ROR1: variants seen among roughly 807,000 people sequenced by gnomAD.
ROR1 encodes the protein ROR family WNT receptor 1.
ROR1 carries 19 observed loss-of-function variants against 78.8 expected under a neutral mutation model. The ratio of observed to expected loss-of-function variants is 0.24; its 90% CI spans 0.17 to 0.35. The LOEUF is 0.35. ROR1 is among the 10% of genes least tolerant of loss of function. The probability of loss-of-function intolerance (pLI) is 1.00; values close to 1 mark genes in which losing one functional copy is unlikely to be tolerated. For synonymous variants in ROR1, 386 were observed against 433.6 expected (o/e 0.89, Z 1.36); for missense variants, 917 against 1,177.8 (o/e 0.78, Z 3.24).
chr1:64,151,169 C>T (rs1336989350), intron 7 of ROR1, among the ~76,000 whole-genome samples: 2 of 152,176 alleles, frequency 1.3e-5, no homozygotes, highest in East Asian at 1.9e-4. Context: ...AGGAAAGGTG[C>T]GAGACCTGGG....
intron 1 of ROR1, among the ~76,000 whole-genome samples, chr1:63,999,134 C>T (rs1024424716): frequency 2.6e-5 from 4 of 152,226 alleles, no homozygotes; most frequent in East Asian, 1.9e-4. Flanking sequence ...GAAATACAGA[C>T]GTATACATGG....
At chr1:63,920,004 T>C (rs1426261282) in intron 1 of ROR1, among the ~76,000 whole-genome samples, 3 of 152,186 alleles carry the variant, frequency 2.0e-5, no homozygotes, top group African/African-American at 7.2e-5. Context: ...TTGTTTCTCA[T>C]GTTATAGAAA....
chr1:63,930,082 A>G (rs547843644), intron 1 of ROR1, among the ~76,000 whole-genome samples: 15 of 152,236 alleles, frequency 9.9e-5, no homozygotes, highest in African/African-American at 3.1e-4. Context: ...CGTCATCTAC[A>G]TTAGATATTT....
At chr1:64,057,354 T>G (rs1646883386) in intron 4 of ROR1, among the ~76,000 whole-genome samples, 1 of 152,246 alleles carries the variant, frequency 6.6e-6, no homozygotes, top group African/African-American at 2.4e-5. Context: ...TAGTCTTGAT[T>G]ACTATAGGTT....
chr1:63,941,331 C>A (rs1645838215), intron 1 of ROR1, among the ~76,000 whole-genome samples: 1 of 152,118 alleles, frequency 6.6e-6, no homozygotes, highest in South Asian at 2.1e-4. Context: ...AAAATAAATA[C>A]ACACACAGAA....
chr1:63,943,655 C>G (rs1021306519), intron 1 of ROR1, among the ~76,000 whole-genome samples: 1 of 152,202 alleles, frequency 6.6e-6, no homozygotes, highest in African/African-American at 2.4e-5. Context: ...AACTGCTCCC[C>G]GCCACCAAGC....
chr1:64,155,564 T>G lies in ROR1; in HGVS notation c.1175-3417T>G, dbSNP rs74203518. ...AAGGATTCAGCTTCTTGAAGTTTGT[T>G]CTCCTGCAGACCTACAGGGGGATTT... On this transcript the variant is annotated intron_variant, in intron 7 of 8. Transcript: ENST00000371079. Among the ~76,000 whole-genome samples, 28 of 152,296 alleles carry G rather than the reference T, an allele frequency of 1.8e-4. No individual in the cohort carries two copies. The East Asian group carries it at 5.2e-3, about 28-fold the overall frequency.
chr1:64,059,582 G>T (rs140848440), intron 4 of ROR1, among the ~76,000 whole-genome samples: 1 of 151,778 alleles, frequency 6.6e-6, no homozygotes, highest in African/African-American at 2.4e-5. Flanking sequence ...GGTGGCATGC[G>T]CCTGTAATCC....
chr1:63,884,179 C>T (rs1016284043), intron 1 of ROR1, among the ~76,000 whole-genome samples: 1 of 152,182 alleles, frequency 6.6e-6, no homozygotes, highest in African/African-American at 2.4e-5. Flanking sequence ...TTGGACTCTT[C>T]GTACCCCTTT....
At chr1:63,815,921 T>C (rs1644889449) in intron 1 of ROR1, among the ~76,000 whole-genome samples, 1 of 152,156 alleles carries the variant, frequency 6.6e-6, no homozygotes. Flanking sequence ...GGGAAATGCA[T>C]TGCAGTCACC....
chr1:63,854,178 T>C (rs1425228472), intron 1 of ROR1, among the ~76,000 whole-genome samples: 2 of 152,246 alleles, frequency 1.3e-5, no homozygotes, highest in African/African-American at 4.8e-5. Context: ...AATTTTTTTT[T>C]ATTCACTGAG....
At chr1:63,955,049 A>AT (rs1645970088) in intron 1 of ROR1, among the ~76,000 whole-genome samples, 2 of 152,162 alleles carry the variant, frequency 1.3e-5, no homozygotes, top group Non-Finnish European at 2.9e-5. Context: ...TTTGGTGATT[A>AT]GTAACATATT....
At chr1:63,922,194 A>G (rs1482958030) in intron 1 of ROR1, among the ~76,000 whole-genome samples, 1 of 152,228 alleles carries the variant, frequency 6.6e-6, no homozygotes, top group Non-Finnish European at 1.5e-5. Flanking sequence ...AGTGAGGGAC[A>G]TAACATTTAC....
intron 4 of ROR1, among the ~76,000 whole-genome samples, chr1:64,127,380 G>A (rs1490869367): frequency 2.0e-5 from 3 of 152,082 alleles, no homozygotes; most frequent in African/African-American, 7.2e-5. Context: ...CTGGTACAAG[G>A]TAGGCGTATA....
intron 2 of ROR1, among the ~76,000 whole-genome samples, chr1:64,028,445 A>G (rs955407812): frequency 2.0e-5 from 3 of 152,210 alleles, no homozygotes; most frequent in Non-Finnish European, 4.4e-5. Flanking sequence ...TCAAGGACAC[A>G]TCTGGCCATG....
chr1:63,845,535 C>T lies in ROR1; in HGVS notation c.91+71027C>T, dbSNP rs1231759702. Among the ~76,000 whole-genome samples the T allele has an allele frequency of 2.0e-5, 3 of 152,232 alleles. No individual in the cohort carries two copies. The East Asian group carries it at 5.8e-4, about 29-fold the overall frequency. ...AGGTCATCTTTTATCACTCATCTGG[C>T]AATCTGCTTTCTTCTCCTTAACATC... On this transcript the variant is annotated intron_variant, in intron 1 of 8. Transcript: ENST00000371079.
At chr1:63,906,339 A>T (rs1454521121) in intron 1 of ROR1, among the ~76,000 whole-genome samples, 3 of 152,158 alleles carry the variant, frequency 2.0e-5, no homozygotes, top group African/African-American at 7.2e-5. Flanking sequence ...TTTTGTAAAC[A>T]TCTGGTTTCA....
chr1:64,160,613 A>G (rs1270402774), intron 8 of ROR1, among the ~76,000 whole-genome samples: 2 of 152,228 alleles, frequency 1.3e-5, no homozygotes, highest in African/African-American at 4.8e-5. Context: ...CATTTTATAT[A>G]ATATCACATT....
intron 1 of ROR1, among the ~76,000 whole-genome samples, chr1:63,997,480 T>C (rs1421357860): frequency 6.6e-6 from 1 of 152,214 alleles, no homozygotes; most frequent in African/African-American, 2.4e-5. Flanking sequence ...TTGAGGTTGC[T>C]GCCCACACTG....
Sources: allele counts gnomAD v4.1 joint callset (sites outside exome capture counted in the v4.1 genomes callset), GRCh38; gene constraint gnomAD v4.1.1; transcripts MANE v1.5; gene names NCBI Gene and HGNC (gene_info 2026-07-23, HGNC 2026-07-21).